Variants in UGT1A5 observed in about 807,000 individuals in gnomAD.
UGT1A5 encodes the protein UDP-glucuronosyltransferase 1A5.
A neutral mutation model predicts 40.3 loss-of-function variants in UGT1A5; 29 were observed. The ratio of observed to expected loss-of-function variants is 0.72; its 90% CI spans 0.54 to 0.98. UGT1A5 has a LOEUF of 0.98. Among genes scored for constraint, UGT1A5 ranks in the 50% least tolerant of loss-of-function variants. The pLI is 0.00. For missense variants in UGT1A5, 678 were observed against 677.9 expected (o/e 1.00, Z 0.00); for synonymous variants, 257 against 262.5 (o/e 0.98, Z 0.20).
At chr2:233,734,641 G>T (rs777455810) in intron 1 of UGT1A5, among the ~76,000 whole-genome samples, 1 of 152,096 alleles carries the variant, frequency 6.6e-6, no homozygotes, top group East Asian at 1.9e-4. Context: ...GCTTTCTCCT[G>T]TGGGGATTTA....
chr2:233,724,488 C>T (rs1473203423), intron 1 of UGT1A5, among the ~76,000 whole-genome samples: 4 of 72,584 alleles, frequency 5.5e-5, no homozygotes, highest in Non-Finnish European at 8.7e-5. Context: ...TCAGACGGGG[C>T]GGCCGGGCAG....
intron 1 of UGT1A5, among the ~76,000 whole-genome samples, chr2:233,761,658 A>G (rs1473319616): frequency 6.6e-6 from 1 of 152,256 alleles, no homozygotes; most frequent in East Asian, 1.9e-4. Flanking sequence ...TAATGAGTGA[A>G]TCACCAGACA....
At position 233,719,159 on chromosome 2, in the gene UGT1A5, T is replaced by G. The variant is rs28898610; in HGVS notation, c.867+5301T>G. On this transcript the variant is annotated intron_variant, in intron 1 of 4. Coordinates refer to ENST00000373414, the MANE Select transcript of UGT1A5 (RefSeq NM_019078.2). ...ATCTTCTGAAGAGATATTCTAGAAGTATGGCAATTATGAACAATGTATCTT... is the reference window on the plus strand; with the variant it reads ...ATCTTCTGAAGAGATATTCTAGAAGGATGGCAATTATGAACAATGTATCTT... 1.9e-6 allele frequency: 3 copies of G among 1,614,126 alleles called. No homozygotes were observed. Among genetic ancestry groups the G allele is most frequent in the Admixed American group, 1.7e-5 (1 of 60,002 alleles).
intron 1 of UGT1A5, among the ~76,000 whole-genome samples, chr2:233,765,711 T>TTAATAA (rs10664358): frequency 0.086 from 12,799 of 149,198 alleles, 827 homozygotes; most frequent in East Asian, 0.2. Flanking sequence ...ATAATAATAA[T>TTAATAA]TAATAATAAT....
chr2:233,755,221 C>G, intron 1 of UGT1A5: 1 of 995,834 alleles, frequency 1.0e-6, no homozygotes. Flanking sequence ...TTGATACCCT[C>G]GGACGAGGCC....
At position 233,772,264 on chromosome 2, in the gene UGT1A5, A is replaced by T. The variant is rs766626435; in HGVS notation, c.1310A>T (p.Tyr437Phe). ...AACGAAACTGTCTTTGTGTTTAGTTACAAGGAGAACATCATGCGCCTCTCC... is the reference window on the plus strand; with the variant it reads ...AACGAAACTGTCTTTGTGTTTAGTTTCAAGGAGAACATCATGCGCCTCTCC... ...ALKAVINDKSYKENIMRLSSL... is the reference protein window; with the variant it reads ...ALKAVINDKSFKENIMRLSSL... The change falls in exon 5 of 5, where the codon TAC (tyrosine) becomes TTC (phenylalanine). Residue 437 changes from tyrosine (Y) to phenylalanine (F), a missense_variant and splice_region_variant. Transcript: ENST00000373414. 1.9e-6 allele frequency: 3 copies of T among 1,614,262 alleles called. No individual in the cohort carries two copies. Among genetic ancestry groups the T allele is most frequent in the Non-Finnish European group, 2.5e-6 (3 of 1,180,060 alleles).
chr2:233,724,371 C>A (rs1285685419), intron 1 of UGT1A5, among the ~76,000 whole-genome samples: 1 of 147,620 alleles, frequency 6.8e-6, no homozygotes, highest in Non-Finnish European at 1.5e-5. Flanking sequence ...GACGGGGTGG[C>A]TGCCGGGCGG....
chr2:233,744,538 A>C (rs4663967), intron 1 of UGT1A5, among the ~76,000 whole-genome samples: 82,778 of 151,254 alleles, frequency 0.55, 24,850 homozygotes, highest in African/African-American at 0.8. Context: ...TTTTATGTAA[A>C]TTTTATTAAG....
At chr2:233,767,789 A>T (rs1699484858) in intron 2 of UGT1A5, 60 bp from the exon 3 acceptor site, 5 of 1,613,778 alleles carry the variant, frequency 3.1e-6, no homozygotes, top group Non-Finnish European at 4.2e-6. Context: ...AGTATAGCAG[A>T]TTTGTTTTCT....
chr2:233,719,172 A>G, intron 1 of UGT1A5: 2 of 1,614,250 alleles, frequency 1.2e-6, no homozygotes, highest in Non-Finnish European at 1.7e-6. Flanking sequence ...GGCAATTATG[A>G]ACAATGTATC....
intron 1 of UGT1A5, chr2:233,721,796 C>T (rs1393362336): frequency 5.8e-6 from 3 of 513,526 alleles, no homozygotes; most frequent in African/African-American, 3.9e-5. Context: ...TTTTAAAGCA[C>T]ATGCAGCAAA....
chr2:233,772,677 A>C lies in UGT1A5; in HGVS notation c.*118A>C. The C allele has an allele frequency of 1.4e-5, 22 of 1,531,978 alleles. No homozygotes were observed. The highest frequency in any genetic ancestry group is 1.8e-5 in the Non-Finnish European group (21 of 1,142,190). 94.9% of individuals were successfully genotyped at this position (1,531,978 alleles called of 1,614,324 possible). On this transcript the variant is annotated 3_prime_UTR_variant, in exon 5 of 5. Transcript: ENST00000373414. Reference sequence around the variant, plus strand: ...ATTAAGGAAATACTTTGCATAAATTAATCAGCCCCAGAGTGCTTTAAAAAA... The same window carrying C: ...ATTAAGGAAATACTTTGCATAAATTCATCAGCCCCAGAGTGCTTTAAAAAA...
chr2:233,729,991 C>G, intron 1 of UGT1A5: 2 of 1,614,020 alleles, frequency 1.2e-6, no homozygotes, highest in Non-Finnish European at 1.7e-6. Flanking sequence ...GCCACTATCT[C>G]AGGTCTGTAT....
intron 1 of UGT1A5, chr2:233,742,083 T>C (rs971909103): frequency 2.6e-5 from 4 of 151,868 alleles, no homozygotes; most frequent in Non-Finnish European, 5.9e-5. Context: ...ATCCTTTTTT[T>C]ACATTTCCAG....
chr2:233,719,807 T>C, intron 1 of UGT1A5: 1 of 1,593,892 alleles, frequency 6.3e-7, no homozygotes, highest in Non-Finnish European at 8.5e-7. Context: ...TTGGCTTCTT[T>C]ATAACAGATA....
chr2:233,739,772 T>C (rs1691199757), intron 1 of UGT1A5, among the ~76,000 whole-genome samples: 1 of 152,174 alleles, frequency 6.6e-6, no homozygotes, highest in South Asian at 2.1e-4. Context: ...AGTGCTGAAA[T>C]GAGTTAAGAC....
chr2:233,722,900 A>G (rs976029568), intron 1 of UGT1A5, among the ~76,000 whole-genome samples: 17 of 145,938 alleles, frequency 1.2e-4, no homozygotes, highest in Middle Eastern at 3.6e-3. Context: ...GTGGAAGTGG[A>G]TCATCATAAA....
chr2:233,767,753 C>G, intron 2 of UGT1A5, 96 bp from the exon 3 acceptor site: 1 of 1,599,056 alleles, frequency 6.3e-7, no homozygotes, highest in Non-Finnish European at 8.5e-7. Context: ...AAGACTGTTC[C>G]TTCAGAGGAC....
Position 233,772,649 on chromosome 2 carries a change from C to A in UGT1A5, c.*90C>A, listed in dbSNP as rs1644667767. The A allele has an allele frequency of 3.2e-6, 5 of 1,548,118 alleles. No individual in the cohort carries two copies. In the Admixed American group the frequency reaches 5.9e-5, roughly 18 times the overall value. On this transcript the variant is annotated 3_prime_UTR_variant, in exon 5 of 5. Coordinates refer to ENST00000373414, the MANE Select transcript of UGT1A5 (RefSeq NM_019078.2). Reference sequence around the variant, plus strand: ...GAATCAGTGTTAAATTCATTTTATTCTTATTAAGGAAATACTTTGCATAAA... The same window carrying A: ...GAATCAGTGTTAAATTCATTTTATTATTATTAAGGAAATACTTTGCATAAA...
Sources: gnomAD v4.1 joint callset for allele counts (sites outside exome capture counted in the v4.1 genomes callset) on GRCh38, gnomAD v4.1.1 for gene constraint, MANE v1.5 for transcripts, NCBI Gene and HGNC (gene_info 2026-07-23, HGNC 2026-07-21) for gene names.